SNX29: variants seen among roughly 807,000 people sequenced by gnomAD.
SNX29 encodes sorting nexin-29.
SNX29 carries 78 observed loss-of-function variants against 102.1 expected under a neutral mutation model. That is an observed-to-expected ratio of 0.76 (90% confidence interval 0.64 to 0.92). The LOEUF is 0.92. Ranked by LOEUF, SNX29 falls within the 40% of genes least tolerant of loss-of-function variation. The probability of loss-of-function intolerance (pLI) is 0.00; values close to 1 mark genes in which losing one functional copy is unlikely to be tolerated. For synonymous variants in SNX29, 580 were observed against 414.5 expected (o/e 1.40, Z -4.85); for missense variants, 1,280 against 1,061.7 (o/e 1.21, Z -2.86).
chr16:12,475,266 C>T (rs2087537194), intron 18 of SNX29, among the ~76,000 whole-genome samples: 2 of 152,296 alleles, frequency 1.3e-5, no homozygotes, highest in South Asian at 4.1e-4. Flanking sequence ...TCCTGGGCCT[C>T]AGATGGTTAA....
chr16:12,037,405 C>G (rs1222740315), intron 4 of SNX29, among the ~76,000 whole-genome samples: 2 of 152,038 alleles, frequency 1.3e-5, no homozygotes, highest in Non-Finnish European at 2.9e-5. Flanking sequence ...AGGGCTGAGA[C>G]TGGGGTGAGG....
chr16:12,547,080 C>G (rs946672900), intron 20 of SNX29, among the ~76,000 whole-genome samples: 1 of 152,178 alleles, frequency 6.6e-6, no homozygotes, highest in Non-Finnish European at 1.5e-5. Flanking sequence ...GCAGACATGC[C>G]TATGTGAGGT....
chr16:12,078,769 G>C (rs1450039159), intron 10 of SNX29, 64 bp from the exon 11 acceptor site: 1 of 1,400,690 alleles, frequency 7.1e-7, no homozygotes, highest in Non-Finnish European at 9.9e-7. Flanking sequence ...GCTAGTTTTT[G>C]GAATGGTGAG....
intron 3 of SNX29, among the ~76,000 whole-genome samples, chr16:12,013,500 A>AAAAAAAAATATATATATATAT: frequency 6.3e-5 from 2 of 31,626 alleles, no homozygotes; most frequent in Non-Finnish European, 1.2e-4. Flanking sequence ...AAAAAAAAAA[A>AAAAAAAAATATATATATATAT]ATATATATAT....
chr16:12,135,724 C>T (rs2054635548), intron 13 of SNX29: 3 of 775,028 alleles, frequency 3.9e-6, no homozygotes, highest in African/African-American at 1.8e-5. Context: ...CAATAAATTG[C>T]TTTCATTCCT....
At chr16:12,396,497 G>A (rs1479311487) in intron 16 of SNX29, among the ~76,000 whole-genome samples, 2 of 152,170 alleles carry the variant, frequency 1.3e-5, no homozygotes, top group African/African-American at 2.4e-5. Flanking sequence ...GATCCCCATA[G>A]CGTGCCCAGA....
At chr16:12,305,757 A>G (rs571037318) in intron 15 of SNX29, among the ~76,000 whole-genome samples, 11 of 152,222 alleles carry the variant, frequency 7.2e-5, no homozygotes, top group South Asian at 6.2e-4. Flanking sequence ...CCTAATTACA[A>G]TTTTTAATTA....
intron 3 of SNX29, among the ~76,000 whole-genome samples, chr16:12,019,732 G>T (rs965709325): frequency 3.3e-5 from 5 of 151,538 alleles, no homozygotes; most frequent in Non-Finnish European, 7.4e-5. Flanking sequence ...TGCCTCCCGG[G>T]TTCAAGCGAT....
chr16:12,477,343 C>T (rs150905880), intron 18 of SNX29, among the ~76,000 whole-genome samples: 1 of 152,298 alleles, frequency 6.6e-6, no homozygotes, highest in Non-Finnish European at 1.5e-5. Context: ...CTCTGTTTTA[C>T]AGATGAGGAA....
chr16:12,278,983 T>C (rs1302357341), intron 15 of SNX29, among the ~76,000 whole-genome samples: 2 of 152,172 alleles, frequency 1.3e-5, no homozygotes, highest in East Asian at 3.8e-4. Flanking sequence ...TTCTTGGATA[T>C]GATAAAGAGG....
chr16:11,980,618 A>G (rs2055393696), intron 1 of SNX29, among the ~76,000 whole-genome samples: 1 of 152,190 alleles, frequency 6.6e-6, no homozygotes, highest in Non-Finnish European at 1.5e-5. Context: ...CACCATTTTC[A>G]GTTCTCACCA....
At chr16:12,558,500 T>C (rs2078514994) in intron 20 of SNX29, among the ~76,000 whole-genome samples, 3 of 152,236 alleles carry the variant, frequency 2.0e-5, no homozygotes, top group African/African-American at 7.2e-5. Context: ...ATCTTTAGTT[T>C]TTAATGAGCA....
Position 12,392,672 on chromosome 16 carries a change from TA to T in SNX29, c.1900-5769del, listed in dbSNP as rs1462931893. Among the ~76,000 whole-genome samples the T allele has an allele frequency of 3.3e-5, 5 of 152,300 alleles. 1 individual carries two copies. The highest frequency in any genetic ancestry group is 6.5e-5 in the Admixed American group (1 of 15,302). On this transcript the variant is annotated intron_variant, in intron 16 of 20. Transcript: ENST00000566228. The stretch of plus-strand genomic sequence containing the variant: ...TTTCAGTGCTGCCCAGAGGATAAAA[TA>T]AAAATTCTTTAAAGCTCTTATTTGC...
In SNX29 at chr16:12,199,679, T is replaced by C; in HGVS notation, c.1674T>C (p.Ala558=). Residue 558 remains alanine (A), a synonymous_variant, in exon 14 of 21, where the codon GCT becomes GCC. Transcript: ENST00000566228. ...TGCTGAAAAGAGAAGGTCAAACAGC[T>C]GAAGGTGAGGGGGAGCCTGAGCCCG... ...VQMLKREGQT[A]EVPNLWSVDG... The C allele has an allele frequency of 6.2e-7, 1 of 1,611,424 alleles. No individual in the cohort carries two copies. Among genetic ancestry groups the C allele is most frequent in the Non-Finnish European group, 8.5e-7 (1 of 1,178,702 alleles).
intron 1 of SNX29, among the ~76,000 whole-genome samples, chr16:11,995,032 ACCTGTGCT>A (rs897940729): frequency 3.9e-5 from 6 of 152,022 alleles, no homozygotes; most frequent in Admixed American, 6.6e-5. Flanking sequence ...TCCTGAGACC[ACCTGTGCT>A]CCTTGCAGCC....
intron 4 of SNX29, among the ~76,000 whole-genome samples, chr16:12,028,022 C>G (rs543353420): frequency 1.3e-5 from 2 of 152,214 alleles, no homozygotes; most frequent in African/African-American, 2.4e-5. Flanking sequence ...GATGAGGAAA[C>G]TGTTCATAGT....
intron 16 of SNX29, among the ~76,000 whole-genome samples, chr16:12,390,047 A>G (rs1597201779): frequency 6.6e-6 from 1 of 152,124 alleles, no homozygotes; most frequent in African/African-American, 2.4e-5. Flanking sequence ...AATTCTAGGC[A>G]GTTGTTGATT....
intron 11 of SNX29, among the ~76,000 whole-genome samples, chr16:12,105,223 C>CCTTCCTT (rs1567210193): frequency 4.5e-5 from 5 of 110,230 alleles, no homozygotes; most frequent in African/African-American, 1.5e-4. Flanking sequence ...CTCCCTCCCT[C>CCTTCCTT]CCTCCCTTCC....
At chr16:12,300,421 A>G (rs1472396024) in intron 15 of SNX29, among the ~76,000 whole-genome samples, 2 of 152,126 alleles carry the variant, frequency 1.3e-5, no homozygotes, top group East Asian at 3.9e-4. Flanking sequence ...CAAGCTGTAT[A>G]TTTTACTCTG....
Sources: gnomAD v4.1 joint callset for allele counts (sites outside exome capture counted in the v4.1 genomes callset) on GRCh38, gnomAD v4.1.1 for gene constraint, MANE v1.5 for transcripts, NCBI Gene and HGNC (gene_info 2026-07-23, HGNC 2026-07-21) for gene names.